NCK1: variants seen among roughly 807,000 people sequenced by gnomAD.
NCK1 encodes NCK adaptor protein 1.
NCK1 carries 19 observed loss-of-function variants against 36.6 expected under a neutral mutation model. That is an observed-to-expected ratio of 0.52 (90% CI 0.36 to 0.76). The LOEUF (loss-of-function observed/expected upper bound fraction) is 0.76, where lower values mean the gene tolerates loss of function less well. Ranked by LOEUF, NCK1 falls within the 30% of genes least tolerant of loss-of-function variation. The pLI is 0.00. For missense variants in NCK1, 358 were observed against 445.6 expected (o/e 0.80, Z 1.77); for synonymous variants, 165 against 156.0 (o/e 1.06, Z -0.43).
intron 1 of NCK1, among the ~76,000 whole-genome samples, chr3:136,891,297 GTT>G (rs562326179): frequency 8.8e-4 from 134 of 152,266 alleles, no homozygotes; most frequent in African/African-American, 3.1e-3. Context: ...ACCATGCCTG[GTT>G]AATTTTGTAT....
chr3:136,869,757 TGGAGGGA>T (rs1938553034), intron 1 of NCK1, among the ~76,000 whole-genome samples: 1 of 152,214 alleles, frequency 6.6e-6, no homozygotes, highest in Non-Finnish European at 1.5e-5. Flanking sequence ...AATCTCTCTG[TGGAGGGA>T]AAGGAATGCT....
chr3:136,872,122 G>C (rs1174467631), intron 1 of NCK1, among the ~76,000 whole-genome samples: 1 of 152,234 alleles, frequency 6.6e-6, no homozygotes, highest in Non-Finnish European at 1.5e-5. Flanking sequence ...GGTTGGAACA[G>C]TTTGAAGGGA....
rs1940274846 is a variant in NCK1, at chr3:136,927,578, G to C, written c.-18-406G>C. Among the ~76,000 whole-genome samples, 2 of 152,146 alleles carry C rather than the reference G, an allele frequency of 1.3e-5. 1 individual carries two copies. The highest frequency in any genetic ancestry group is 4.1e-4 in the South Asian group (2 of 4,830). On this transcript the variant is annotated intron_variant, in intron 1 of 3. Transcript: ENST00000481752. ...CCCTCTGTCGCCAGGCTGGAGTGCA[G>C]TGGTGCGATATCGGCTCACTGCAAC... is the stretch of plus-strand genomic sequence containing the variant.
At chr3:136,930,701 C>A in intron 2 of NCK1, 2 of 936,518 alleles carry the variant, frequency 2.1e-6, no homozygotes, top group Non-Finnish European at 2.9e-6. Context: ...TTTATGTAAG[C>A]TACTACATTA....
intron 1 of NCK1, among the ~76,000 whole-genome samples, chr3:136,927,053 C>T (rs1940259958): frequency 6.6e-6 from 1 of 152,106 alleles, no homozygotes; most frequent in African/African-American, 2.4e-5. Context: ...CTAACTGCAA[C>T]CTCCGCCTCC....
chr3:136,867,112 CTTTCTTTGTTTCTTTCT>C (rs1560028509), intron 1 of NCK1, among the ~76,000 whole-genome samples: 903 of 29,754 alleles, frequency 0.03, 81 homozygotes, highest in South Asian at 0.042. Flanking sequence ...TTCTTTCTTT[CTTTCTTTGTTTCTTTCT>C]TTCCTTCCTT....
intron 1 of NCK1, among the ~76,000 whole-genome samples, chr3:136,901,638 C>A (rs1939544417): frequency 6.6e-6 from 1 of 152,042 alleles, no homozygotes. Context: ...GGAATGCATC[C>A]ATTTCCTCTC....
At chr3:136,912,439 G>A (rs1467568058) in intron 1 of NCK1, among the ~76,000 whole-genome samples, 1 of 151,340 alleles carries the variant, frequency 6.6e-6, no homozygotes, top group East Asian at 1.9e-4. Context: ...CCCACAATGT[G>A]TGTGTTCGTT....
intron 1 of NCK1, among the ~76,000 whole-genome samples, chr3:136,893,795 C>T (rs1427987494): frequency 6.6e-6 from 1 of 152,160 alleles, no homozygotes; most frequent in African/African-American, 2.4e-5. Flanking sequence ...GTGATATAAG[C>T]CAGTGGTACC....
chr3:136,867,265 CTTTCTT>C (rs1938478006), intron 1 of NCK1, among the ~76,000 whole-genome samples: 1 of 120,474 alleles, frequency 8.3e-6, no homozygotes, highest in South Asian at 2.9e-4. Context: ...CTCTCTCTCT[CTTTCTT>C]TCTTTCTTCT....
rs567227170 is a variant in NCK1 at position 136,866,796 on chromosome 3, A to G, written c.-19+4443A>G. Among the ~76,000 whole-genome samples, 272 of 151,936 alleles carry G rather than the reference A, an allele frequency of 1.8e-3. 2 individuals are homozygous for G. The highest frequency in any genetic ancestry group is 2.7e-3 in the Non-Finnish European group (185 of 67,966). On this transcript the variant is annotated intron_variant, in intron 1 of 3. Transcript: ENST00000481752. ...GCCTGGCTAATTTTGTATTTTTAGT[A>G]GAGATGGGGTTTCACCATGTTGGCC...
intron 1 of NCK1, among the ~76,000 whole-genome samples, chr3:136,906,310 CTGT>C (rs1939682353): frequency 6.6e-6 from 1 of 151,828 alleles, no homozygotes; most frequent in South Asian, 2.1e-4. Flanking sequence ...AGGTCTCACT[CTGT>C]TGCCCAGGCT....
rs373433803 is a variant in NCK1, at chr3:136,913,685, T to A, written c.-18-14299T>A. 8.9e-4 allele frequency among the ~76,000 whole-genome samples: 136 copies of A among 152,272 alleles called. 1 individual carries two copies. The South Asian group carries it at 0.012, about 13-fold the overall frequency. On this transcript the variant is annotated intron_variant, in intron 1 of 3. Transcript: ENST00000481752. ...TTTTTGTTTGTTTTGTTTTGTTTTT[T>A]TGAGACGGAATCTCACTCTTTCGCC...
intron 2 of NCK1, chr3:136,930,641 A>G: frequency 7.3e-7 from 1 of 1,371,082 alleles, no homozygotes; most frequent in Non-Finnish European, 9.5e-7. Context: ...GAAGTTGTGA[A>G]TTAGATTTTC....
Position 136,864,998 on chromosome 3 carries a change from GC to G in NCK1, c.-19+2648del, listed in dbSNP as rs748163042. 3.4e-5 allele frequency among the ~76,000 whole-genome samples: 5 copies of G among 147,894 alleles called. No homozygotes were observed. The East Asian group carries it at 1.0e-3, about 29-fold the overall frequency. On this transcript the variant is annotated intron_variant, in intron 1 of 3. Coordinates refer to ENST00000481752, the MANE Select transcript of NCK1 (RefSeq NM_001291999.2). ...TTTTGAGACGGAGTCTCACTCTGTTGCCCAGGCTGGAGTGCAGTGGCGGGAT... is the reference window on the plus strand; with the variant it reads ...TTTTGAGACGGAGTCTCACTCTGTTGCCAGGCTGGAGTGCAGTGGCGGGAT...
intron 1 of NCK1, among the ~76,000 whole-genome samples, chr3:136,868,248 A>G (rs1938505959): frequency 6.6e-6 from 1 of 152,182 alleles, no homozygotes; most frequent in Non-Finnish European, 1.5e-5. Context: ...AATGATATAA[A>G]GTCTATATAC....
At chr3:136,929,281 A>G (rs1239836878) in intron 2 of NCK1, among the ~76,000 whole-genome samples, 1 of 152,194 alleles carries the variant, frequency 6.6e-6, no homozygotes, top group African/African-American at 2.4e-5. Context: ...ATGTTCTTCT[A>G]ATTATCAATA....
intron 1 of NCK1, among the ~76,000 whole-genome samples, chr3:136,903,373 T>G (rs532709677): frequency 6.6e-6 from 1 of 152,296 alleles, no homozygotes; most frequent in South Asian, 2.1e-4. Context: ...AGGTAGTATA[T>G]AGGTGGGTCA....
chr3:136,888,596 G>T (rs929038073), intron 1 of NCK1, among the ~76,000 whole-genome samples: 6 of 151,218 alleles, frequency 4.0e-5, no homozygotes, highest in Non-Finnish European at 8.9e-5. Flanking sequence ...TAGAGACGGG[G>T]TTTCACCATG....
Sources: gnomAD v4.1 joint callset for allele counts (sites outside exome capture counted in the v4.1 genomes callset) on GRCh38, gnomAD v4.1.1 for gene constraint, MANE v1.5 for transcripts, NCBI Gene and HGNC (gene_info 2026-07-23, HGNC 2026-07-21) for gene names.